Variants in NPC1 observed in about 807,000 individuals in gnomAD.
NPC1 encodes the protein NPC intracellular cholesterol transporter 1, also known as Niemann-Pick C1 protein.
In NPC1, 85 loss-of-function variants were observed where a neutral mutation model predicts 140.4. The observed-to-expected ratio is 0.61, with a 90% CI of 0.51 to 0.72. The LOEUF (loss-of-function observed/expected upper bound fraction) is 0.72. NPC1 is among the 30% of genes least tolerant of loss of function. The pLI is 0.00. For synonymous variants in NPC1, 656 were observed against 624.8 expected (o/e 1.05, Z -0.74); for missense variants, 1,504 against 1,623.8 (o/e 0.93, Z 1.27).
chr18:23,543,599 C>A, intron 13 of NPC1, 30 bp from the exon 14 acceptor site: 11 of 1,269,658 alleles, frequency 8.7e-6, no homozygotes, highest in Non-Finnish European at 1.3e-5. Flanking sequence ...AATTATGCGA[C>A]ATTAAAATTT....
At chr18:23,573,330 G>A (rs1350503710) in intron 2 of NPC1, 122 bp downstream of exon 2, 2 of 1,375,688 alleles carry the variant, frequency 1.5e-6, no homozygotes, top group East Asian at 2.3e-5. Context: ...GAGAGTCCGG[G>A]ATAAGACTTA....
Position 23,535,662 on chromosome 18 carries a change from A to T in NPC1, c.3284T>A (p.Ile1095Asn). 6.2e-7 allele frequency: 1 copy of T among 1,614,178 alleles called. No individual in the cohort carries two copies. The highest frequency in any genetic ancestry group is 8.5e-7 in the Non-Finnish European group (1 of 1,180,006). The change falls in exon 22 of 25, where the codon ATT becomes AAT. Residue 1095 changes from isoleucine to asparagine, a missense_variant. Physicochemically the swap from Ile to Asn is moderately radical, Grantham distance 149. Transcript: ENST00000269228. ...ACCGAGGTTGAAGATAGTGTCGTCAATGATGGTCAGGTACTGTTCGTAGAA... is the reference window on the plus strand; with the variant it reads ...ACCGAGGTTGAAGATAGTGTCGTCATTGATGGTCAGGTACTGTTCGTAGAA... ...YVFYEQYLTI[I>N]DDTIFNLGVS... is the part of the protein sequence containing the mutation.
At chr18:23,510,469 G>A (rs960096179) in intron 3 of NPC1, among the ~76,000 whole-genome samples, 6 of 152,014 alleles carry the variant, frequency 3.9e-5, no homozygotes, top group African/African-American at 7.3e-5. Flanking sequence ...CCAACATGAC[G>A]AAACCCTGTC....
rs2058527793 is a variant in NPC1, at chr18:23,532,041, G to A, written c.*161C>T. 6.4e-7 allele frequency: 1 copy of A among 1,567,304 alleles called. No homozygotes were observed. The highest frequency in any genetic ancestry group is 2.3e-5 in the East Asian group (1 of 42,820). ...AGTAATACTGCTTCCCAAGTCAACT[G>A]TGCATTCCTGAGTTCACAGGCGCTA... is the stretch of plus-strand genomic sequence containing the variant. On this transcript the variant is annotated 3_prime_UTR_variant, in exon 25 of 25. Transcript: ENST00000269228.
intron 4 of NPC1, 133 bp from the exon 5 acceptor site, chr18:23,561,660 A>G: frequency 1.1e-6 from 1 of 875,344 alleles, no homozygotes; most frequent in South Asian, 1.4e-5. Context: ...GACAGCAAAC[A>G]CTAACTAAGG....
rs1269193924 is a variant in NPC1, at chr18:23,532,250, A to G, written c.3789T>C (p.Thr1263=). ...PSVNKAKSCA[T]EERYKGTERE... is the part of the protein sequence containing the mutation. ...GCTCTGTTCCTTTGTATCGCTCTTC[A>G]GTGGCACAACTTTTGGCTTTATTTA... The change falls in exon 25 of 25, where the codon ACT becomes ACC. Residue 1263 remains threonine (T), a synonymous_variant. Transcript: ENST00000269228. 6.2e-7 allele frequency: 1 copy of G among 1,614,202 alleles called. No individual in the cohort carries two copies. Among genetic ancestry groups the G allele is most frequent in the African/African-American group, 1.3e-5 (1 of 75,050 alleles).
downstream of NPC1, chr18:23,528,089 C>T: frequency 3.8e-6 from 2 of 530,052 alleles, no homozygotes; most frequent in South Asian, 2.5e-5. Flanking sequence ...GTCCCTGCAT[C>T]CCACGAGCTG....
chr18:23,572,801 C>T (rs2059222581), intron 2 of NPC1, among the ~76,000 whole-genome samples: 1 of 152,212 alleles, frequency 6.6e-6, no homozygotes, highest in African/African-American at 2.4e-5. Context: ...CCACTGCACT[C>T]TAGCCTTCAG....
chr18:23,506,909 A>G lies in NPC1; in HGVS notation c.432-267T>C. 1.1e-5 allele frequency: 13 copies of G among 1,165,180 alleles called. No individual in the cohort carries two copies. The South Asian group carries it at 1.7e-4, about 15-fold the overall frequency. 72.2% of individuals were successfully genotyped at this position (1,165,180 alleles called of 1,614,324 possible). ...TATAGATTGTGTCTTTTGCCTTTTC[A>G]ATAAATGGTAGTAGCTAGAATTCGG... On this transcript the variant is annotated intron_variant, in intron 3 of 3. Coordinates refer to the NPC1 transcript ENST00000591107.
chr18:23,554,653 T>C, intron 9 of NPC1, 105 bp downstream of exon 9: 1 of 818,666 alleles, frequency 1.2e-6, no homozygotes. Context: ...CAAGGTCTTG[T>C]TGTTTGCTCA....
chr18:23,530,674 G>A, downstream of NPC1: 1 of 1,511,786 alleles, frequency 6.6e-7, no homozygotes, highest in Non-Finnish European at 9.0e-7. Context: ...GAGGGCACTG[G>A]CAGCTGGTGG....
intron 4 of NPC1, among the ~76,000 whole-genome samples, chr18:23,564,381 C>T (rs1387312892): frequency 6.6e-6 from 1 of 152,140 alleles, no homozygotes; most frequent in Non-Finnish European, 1.5e-5. Flanking sequence ...CTCACTCTGT[C>T]ACCCAGGCTG....
At chr18:23,570,677 A>G (rs1028613279) in intron 3 of NPC1, among the ~76,000 whole-genome samples, 5 of 152,208 alleles carry the variant, frequency 3.3e-5, no homozygotes, top group Admixed American at 3.3e-4. Context: ...AAAAATTTAG[A>G]AAGATACCAC....
At chr18:23,530,034 C>T (rs760420603), downstream of NPC1, 4 of 1,613,504 alleles carry the variant, frequency 2.5e-6, no homozygotes, top group South Asian at 1.1e-5. Context: ...TCAGCATTAC[C>T]TACATGAACT....
downstream of NPC1, chr18:23,526,683 C>T (rs763653935): frequency 1.2e-6 from 2 of 1,614,188 alleles, no homozygotes; most frequent in Non-Finnish European, 1.7e-6. Flanking sequence ...TAGTAAATCT[C>T]TTACCAGACA....
chr18:23,509,280 G>T, intron 3 of NPC1: 1 of 1,392,336 alleles, frequency 7.2e-7, no homozygotes, highest in Non-Finnish European at 9.5e-7. Context: ...ATTTTACCAG[G>T]TATTATGTTT....
intron 11 of NPC1, among the ~76,000 whole-genome samples, chr18:23,545,633 C>G (rs1420979314): frequency 6.6e-6 from 1 of 152,218 alleles, no homozygotes; most frequent in Non-Finnish European, 1.5e-5. Context: ...TCTCTGTTGC[C>G]TCGGCTGGAG....
intron 4 of NPC1, 60 bp downstream of exon 4, chr18:23,568,763 C>G (rs1453865089): frequency 1.5e-6 from 2 of 1,366,302 alleles, no homozygotes; most frequent in Non-Finnish European, 2.1e-6. Context: ...CTAAAAGGAA[C>G]AATTTGCTCT....
In NPC1 at chr18:23,516,142, G is replaced by A. The variant is rs1377226320; in HGVS notation, c.432-9500C>T. The A allele has an allele frequency of 1.1e-5, 15 of 1,357,744 alleles. No individual in the cohort carries two copies. The South Asian group carries it at 1.3e-4, about 12-fold the overall frequency. The allele number at this position is 1,357,744 out of a possible 1,614,324, so 84.1% of individuals were successfully genotyped here. ...CCACTAGAGGGCACTCTGTATACCC[G>A]TCAGCTCCTGGAGCCATTCATTCTA... On this transcript the variant is annotated intron_variant, in intron 3 of 3. Transcript: ENST00000591107.
Sources: allele counts gnomAD v4.1 joint callset (sites outside exome capture counted in the v4.1 genomes callset), GRCh38; gene constraint gnomAD v4.1.1; transcripts MANE v1.5; gene names NCBI Gene and HGNC (gene_info 2026-07-23, HGNC 2026-07-21).